APOBEC3F: variants seen among roughly 807,000 people sequenced by gnomAD.
APOBEC3F encodes apolipoprotein B mRNA editing enzyme catalytic subunit 3F, also known as DNA dC->dU-editing enzyme APOBEC-3F.
A neutral mutation model predicts 45.8 loss-of-function variants in APOBEC3F; 34 were observed. The ratio of observed to expected loss-of-function variants is 0.74; its 90% CI spans 0.57 to 0.99. The LOEUF (loss-of-function observed/expected upper bound fraction) is 0.99, where lower values mean the gene tolerates loss of function less well. Among genes scored for constraint, APOBEC3F ranks in the 50% least tolerant of loss-of-function variants. APOBEC3F has a pLI of 0.00. For synonymous variants in APOBEC3F, 192 were observed against 174.4 expected, an observed-to-expected ratio of 1.10 and a Z score of -0.80; for missense variants, 459 against 474.1, an observed-to-expected ratio of 0.97 and a Z score of 0.30.
chr22:39,052,389 G>A, intron 6 of APOBEC3F, 36 bp downstream of exon 6: 9 of 1,609,580 alleles, frequency 5.6e-6, no homozygotes, highest in Non-Finnish European at 7.6e-6. Flanking sequence ...GTGGGTGCGG[G>A]AGGGACAGCA....
At chr22:39,049,661 G>C in intron 5 of APOBEC3F, 80 bp downstream of exon 5, 2 of 1,528,758 alleles carry the variant, frequency 1.3e-6, no homozygotes, top group Non-Finnish European at 8.9e-7. Context: ...TGACGTGCCT[G>C]GCGTGGGCTT....
rs1927610968 is a variant in APOBEC3F at position 39,053,931 on chromosome 22, T to G, written c.*1236T>G. The G allele has an allele frequency of 6.6e-6, 1 of 152,226 alleles. No homozygotes were observed. Among genetic ancestry groups the G allele is most frequent in the African/African-American group, 2.4e-5 (1 of 41,444 alleles). The allele number at this position is 152,226 out of a possible 1,614,324, so 9.4% of individuals were successfully genotyped here. ...TTGGACTCCTTGCTATAATCGCAGC[T>G]ATTCAGCAATGGAACCTCCCAGTTC... On this transcript the variant is annotated 3_prime_UTR_variant, in exon 7 of 7. Coordinates refer to ENST00000308521, the MANE Select transcript of APOBEC3F (RefSeq NM_145298.6).
In APOBEC3F at chr22:39,052,315, G is replaced by T; in HGVS notation, c.965G>T (p.Ser322Ile). The T allele has an allele frequency of 6.2e-7, 1 of 1,614,234 alleles. No homozygotes were observed. Among genetic ancestry groups the T allele is most frequent in the South Asian group, 1.1e-5 (1 of 91,086 alleles). ...TDYQEGLRSLSQEGASVEIMG... is the reference protein window; with the variant it reads ...TDYQEGLRSLIQEGASVEIMG... The stretch of plus-strand genomic sequence containing the variant: ...TACCAGGAGGGGCTCCGCAGCCTGA[G>T]TCAGGAAGGGGCCTCCGTGGAGATC... The change falls in exon 6 of 7, where the codon AGT becomes ATT. Residue 322 changes from serine to isoleucine, a missense_variant. Physicochemically the swap from Ser to Ile is moderately radical, Grantham distance 142. Transcript: ENST00000308521.
At chr22:39,045,564 C>T (rs772488612) in intron 4 of APOBEC3F, 22 bp downstream of exon 4, 1 of 1,613,880 alleles carries the variant, frequency 6.2e-7, no homozygotes, top group South Asian at 1.1e-5. Context: ...CCTCTGGCCT[C>T]ATCGTCTGTC....
At position 39,052,561 on chromosome 22, in the gene APOBEC3F, C is replaced by T; in HGVS notation, c.1004-16C>T. 6.2e-7 allele frequency: 1 copy of T among 1,609,354 alleles called. No individual in the cohort carries two copies. The highest frequency in any genetic ancestry group is 1.1e-5 in the South Asian group (1 of 90,478). On this transcript the variant is annotated splice_polypyrimidine_tract_variant and intron_variant, in intron 6 of 6. Coordinates refer to ENST00000308521, the MANE Select transcript of APOBEC3F (RefSeq NM_145298.6). ...GCCTGCTGGGCCCTCACTGCTTTCT[C>T]CTTGTTTTTTCTCAGATTTTAAATA...
At position 39,052,941 on chromosome 22, in the gene APOBEC3F, T is replaced by G. The variant is rs1337543383; in HGVS notation, c.*246T>G. 1.2e-6 allele frequency: 1 copy of G among 802,260 alleles called. No individual in the cohort carries two copies. The highest frequency in any genetic ancestry group is 1.8e-5 in the African/African-American group (1 of 56,062). The allele number at this position is 802,260 out of a possible 1,614,324, so 49.7% of individuals were successfully genotyped here. A position where few individuals can be genotyped will look rare whatever the true frequency, so the allele number is the denominator to read the frequency against. ...CCACCAAGACCCTGTTCCCTGAGCCTGCATGCCCCTAACCTGCCTTTTCCC... is the reference window on the plus strand; with the variant it reads ...CCACCAAGACCCTGTTCCCTGAGCCGGCATGCCCCTAACCTGCCTTTTCCC... On this transcript the variant is annotated 3_prime_UTR_variant, in exon 7 of 7. Transcript: ENST00000308521.
chr22:39,054,888 C>T lies in APOBEC3F; in HGVS notation c.*2193C>T, dbSNP rs35612169. 5.8e-3 allele frequency among the ~76,000 whole-genome samples: 880 copies of T among 152,182 alleles called. 5 individuals carry two copies. Among genetic ancestry groups the T allele is most frequent in the African/African-American group, 0.02 (839 of 41,506 alleles). Reference sequence around the variant, plus strand: ...GGGCCAGGTGCCCACATGAATAATGCGGGCCACAGGCAGGCATTTATTTTC... The same window carrying T: ...GGGCCAGGTGCCCACATGAATAATGTGGGCCACAGGCAGGCATTTATTTTC... On this transcript the variant is annotated 3_prime_UTR_variant, in exon 7 of 7. Coordinates refer to ENST00000308521, the MANE Select transcript of APOBEC3F (RefSeq NM_145298.6).
chr22:39,043,354 G>T (rs932438676), intron 2 of APOBEC3F, among the ~76,000 whole-genome samples: 1 of 149,124 alleles, frequency 6.7e-6, no homozygotes, highest in East Asian at 2.0e-4. Context: ...AGGCTGGAGT[G>T]CAATGACGCG....
intron 4 of APOBEC3F, among the ~76,000 whole-genome samples, chr22:39,048,036 T>C (rs1334568200): frequency 2.6e-5 from 4 of 152,160 alleles, no homozygotes; most frequent in Admixed American, 2.0e-4. Context: ...TGCACATGAC[T>C]CCAGACACAG....
chr22:39,045,993 C>G (rs1927197545), intron 4 of APOBEC3F, among the ~76,000 whole-genome samples: 1 of 151,808 alleles, frequency 6.6e-6, no homozygotes, highest in Non-Finnish European at 1.5e-5. Context: ...TAGAAGATGC[C>G]CCCGGGCCGG....
chr22:39,054,224 C>T lies in APOBEC3F; in HGVS notation c.*1529C>T, dbSNP rs1340888705. ...AACGGGTTTCATCATGTTTCCCAGG[C>T]TGGTCTTATTTTTATTTTATTTTTT... On this transcript the variant is annotated 3_prime_UTR_variant, in exon 7 of 7. Coordinates refer to ENST00000308521, the MANE Select transcript of APOBEC3F (RefSeq NM_145298.6). 6.6e-6 allele frequency among the ~76,000 whole-genome samples: 1 copy of T among 151,726 alleles called. No individual in the cohort carries two copies. Among genetic ancestry groups the T allele is most frequent in the African/African-American group, 2.4e-5 (1 of 41,302 alleles).
chr22:39,049,622 G>T, intron 5 of APOBEC3F, 41 bp downstream of exon 5: 1 of 1,607,252 alleles, frequency 6.2e-7, no homozygotes. Context: ...TAGGAGCTAA[G>T]CAGCTAGGAA....
At chr22:39,045,262 A>G in intron 3 of APOBEC3F, 42 bp downstream of exon 3, 1 of 1,602,642 alleles carries the variant, frequency 6.2e-7, no homozygotes, top group African/African-American at 1.3e-5. Flanking sequence ...CGGGAGGAAC[A>G]GCATGAAAGA....
chr22:39,050,523 C>T (rs2413567), intron 5 of APOBEC3F, among the ~76,000 whole-genome samples: 61,043 of 118,624 alleles, frequency 0.51, 16,937 homozygotes, highest in East Asian at 0.65. Flanking sequence ...CGCGAGTGTT[C>T]CCAGTCCCCA....
chr22:39,052,984 T>A lies in APOBEC3F; in HGVS notation c.*289T>A. ...CTTTTCCCATCTCCCCAGCATAACC[T>A]AATATTTTTTTTTTTTTTTTGAGAC... On this transcript the variant is annotated 3_prime_UTR_variant, in exon 7 of 7. Coordinates refer to ENST00000308521, the MANE Select transcript of APOBEC3F (RefSeq NM_145298.6). 4 of 329,000 alleles carry A rather than the reference T, an allele frequency of 1.2e-5. No homozygotes were observed. Among genetic ancestry groups the A allele is most frequent in the Non-Finnish European group, 2.0e-5 (4 of 203,218 alleles). The allele number at this position is 329,000 out of a possible 1,614,324, so 20.4% of individuals were successfully genotyped here. A position where few individuals can be genotyped will look rare whatever the true frequency, so the allele number is the denominator to read the frequency against.
Position 39,049,545 on chromosome 22 carries a change from A to G in APOBEC3F, c.687A>G (p.Ser229=), listed in dbSNP as rs549550231. 9.9e-6 allele frequency: 16 copies of G among 1,613,952 alleles called. No homozygotes were observed. Among genetic ancestry groups the G allele is most frequent in the Middle Eastern group, 1.7e-4 (1 of 6,060 alleles). The change falls in exon 5 of 7, where the codon TCA becomes TCG. Residue 229 remains serine (S), a synonymous_variant. Transcript: ENST00000308521. ...CCATGGAAGTTGTAAAGCACCACTC[A>G]CCTGTCTCCTGGAAGAGGGGCGTCT... ...CFTMEVVKHH[S]PVSWKRGVFR... is the part of the protein sequence containing the mutation.
intron 4 of APOBEC3F, among the ~76,000 whole-genome samples, chr22:39,046,162 C>A (rs376729478): frequency 1.3e-4 from 20 of 152,142 alleles, no homozygotes; most frequent in Admixed American, 1.3e-3. Context: ...TGCACCTGCA[C>A]CCCTGGGGTC....
rs1171280224 is a variant in APOBEC3F at position 39,053,924 on chromosome 22, T to C, written c.*1229T>C. The C allele has an allele frequency of 1.3e-5, 2 of 152,222 alleles. No homozygotes were observed. Among genetic ancestry groups the C allele is most frequent in the Non-Finnish European group, 2.9e-5 (2 of 68,048 alleles). 9.4% of individuals were successfully genotyped at this position (152,222 alleles called of 1,614,324 possible). A position where few individuals can be genotyped will look rare whatever the true frequency, so the allele number is the denominator to read the frequency against. On this transcript the variant is annotated 3_prime_UTR_variant, in exon 7 of 7. Transcript: ENST00000308521. Reference sequence around the variant, plus strand: ...GTAAGTCTTGGACTCCTTGCTATAATCGCAGCTATTCAGCAATGGAACCTC... The same window carrying C: ...GTAAGTCTTGGACTCCTTGCTATAACCGCAGCTATTCAGCAATGGAACCTC...
intron 4 of APOBEC3F, among the ~76,000 whole-genome samples, chr22:39,046,497 C>T (rs1289367899): frequency 5.9e-5 from 9 of 152,130 alleles, no homozygotes; most frequent in Non-Finnish European, 8.8e-5. Context: ...GGCTTCCCCA[C>T]CCAACAGCAC....
Sources: gnomAD v4.1 joint callset for allele counts (sites outside exome capture counted in the v4.1 genomes callset) on GRCh38, gnomAD v4.1.1 for gene constraint, MANE v1.5 for transcripts, NCBI Gene and HGNC (gene_info 2026-07-23, HGNC 2026-07-21) for gene names.